Variants in ATP7A observed in about 807,000 individuals in gnomAD.
ATP7A encodes the protein copper-transporting ATPase 1.
ATP7A carries 7 observed loss-of-function variants against 83.5 expected under a neutral mutation model. That is an observed-to-expected ratio of 0.08 (90% CI 0.05 to 0.16). The LOEUF (loss-of-function observed/expected upper bound fraction) is 0.16. Among genes scored for constraint, ATP7A ranks in the 10% least tolerant of loss-of-function variants. ATP7A has a pLI of 1.00. For synonymous variants in ATP7A, 354 were observed against 395.2 expected (o/e 0.90, Z 1.24); for missense variants, 940 against 1,120.8 (o/e 0.84, Z 2.30).
intron 1 of ATP7A, among the ~76,000 whole-genome samples, chrX:77,957,336 C>G (rs782104931): frequency 9.1e-6 from 1 of 109,811 alleles, no homozygotes; most frequent in African/African-American, 3.3e-5. Context: ...CCCATTAACT[C>G]GTCATTGGAA....
rs1557231750 is a variant in ATP7A at position 77,989,308 on chromosome X, T to C, written c.686T>C (p.Ile229Thr). Residue 229 changes from isoleucine to threonine, a missense_variant, in exon 4 of 23, where the codon ATT becomes ACT. This residue lies in a region of ATP7A where 350 missense variants were observed against 432.8 expected (regional missense o/e 0.81). Transcript: ENST00000341514. ...TCAGTAGAGGAAATGAAAAAGCAGA[T>C]TGAAGCTATGGGCTTTCCAGCATTT... ...LISVEEMKKQ[I>T]EAMGFPAFVK... The C allele has an allele frequency of 5.0e-6, 6 of 1,211,349 alleles. No homozygotes were observed. Among genetic ancestry groups the C allele is most frequent in the African/African-American group, 1.7e-5 (1 of 57,749 alleles).
chrX:77,985,006 C>G (rs1258148419), intron 2 of ATP7A, among the ~76,000 whole-genome samples: 1 of 111,558 alleles, frequency 9.0e-6, no homozygotes, highest in African/African-American at 3.3e-5. Flanking sequence ...GAAAGTATAG[C>G]AAACCATCCA....
In ATP7A at chrX:78,037,980, G is replaced by GTTTTTTTT. The variant is rs782643561; in HGVS notation, c.3512-837_3512-830dup. 9.4e-4 allele frequency among the ~76,000 whole-genome samples: 48 copies of GTTTTTTTT among 51,199 alleles called. 8 individuals are homozygous for GTTTTTTTT. The highest frequency in any genetic ancestry group is 3.9e-3 in the African/African-American group (38 of 9,772). 44.5% of individuals were successfully genotyped at this position (51,199 alleles called of 115,157 possible). On this transcript the variant is annotated intron_variant, in intron 17 of 22. Transcript: ENST00000341514. The stretch of plus-strand genomic sequence containing the variant: ...AGAGAGGTGGGTGAGATCAAGAAAG[G>GTTTTTTTT]TTTTTTTTTTTTTTTTTTTTTTTTT...
chrX:77,911,909 A>C (rs1411652759), intron 1 of ATP7A, among the ~76,000 whole-genome samples: 1 of 112,053 alleles, frequency 8.9e-6, no homozygotes, highest in African/African-American at 3.2e-5. Flanking sequence ...GTGCCACTGC[A>C]CTCCAGCCTG....
intron 4 of ATP7A, among the ~76,000 whole-genome samples, chrX:77,995,818 A>G (rs1395528752): frequency 9.0e-6 from 1 of 110,619 alleles, no homozygotes; most frequent in Non-Finnish European, 1.9e-5. Context: ...ATCTTGGCTC[A>G]CTGCAACCTC....
At chrX:77,962,810 C>G (rs1382751091) in intron 1 of ATP7A, 1 of 386,420 alleles carries the variant, frequency 2.6e-6, no homozygotes, top group African/African-American at 2.6e-5. Context: ...AGCTTGCCGT[C>G]AAATGTACGG....
At chrX:78,019,084 C>T (rs963141227) in intron 12 of ATP7A, among the ~76,000 whole-genome samples, 14 of 112,000 alleles carry the variant, frequency 1.3e-4, no homozygotes, top group Non-Finnish European at 2.3e-4. Context: ...AGAGCCAAAC[C>T]GTATCAACTA....
chrX:78,046,280 T>G lies in ATP7A; in HGVS notation c.4227-14T>G, dbSNP rs1018556683. 1.7e-6 allele frequency: 2 copies of G among 1,210,267 alleles called. No homozygotes were observed. Among genetic ancestry groups the G allele is most frequent in the Non-Finnish European group, 2.2e-6 (2 of 894,351 alleles). On this transcript the variant is annotated splice_polypyrimidine_tract_variant and intron_variant, in intron 22 of 22. Coordinates refer to ENST00000341514, the MANE Select transcript of ATP7A (RefSeq NM_000052.7). ...TTGGTTATTTGAAACTAGCATACTT[T>G]TGCATATGTCCAGTTACAGGAAACC...
At chrX:78,027,835 G>A (rs1378102374) in intron 14 of ATP7A, among the ~76,000 whole-genome samples, 2 of 110,134 alleles carry the variant, frequency 1.8e-5, no homozygotes, top group Non-Finnish European at 3.8e-5. Flanking sequence ...ACAAGCAATG[G>A]GGAAAGGACA....
intron 12 of ATP7A, 137 bp downstream of exon 12, chrX:78,016,018 T>G (rs1433016479): frequency 1.4e-6 from 1 of 715,512 alleles, no homozygotes; most frequent in African/African-American, 2.1e-5. Context: ...TTAAATCAAT[T>G]TCCTCAGATT....
At chrX:77,969,017 G>T in intron 1 of ATP7A, 2 of 1,211,477 alleles carry the variant, frequency 1.7e-6, no homozygotes, top group Non-Finnish European at 2.2e-6. Context: ...GGCAGGTTCA[G>T]CTCCATGATA....
intron 21 of ATP7A, among the ~76,000 whole-genome samples, chrX:78,043,992 C>T (rs1485369916): frequency 9.4e-6 from 1 of 106,712 alleles, no homozygotes; most frequent in Non-Finnish European, 1.9e-5. Flanking sequence ...TCAAACTTGA[C>T]ACCTGTAATC....
chrX:77,955,342 A>T (rs1446420607), intron 1 of ATP7A, among the ~76,000 whole-genome samples: 1 of 111,432 alleles, frequency 9.0e-6, no homozygotes, highest in African/African-American at 3.3e-5. Flanking sequence ...AATGTATTAG[A>T]TGGTATCAAA....
chrX:77,987,444 TTGTG>T (rs3986431), intron 2 of ATP7A, among the ~76,000 whole-genome samples: 188 of 85,851 alleles, frequency 2.2e-3, no homozygotes, highest in East Asian at 4.0e-3. Flanking sequence ...AACCCAGTAT[TTGTG>T]TGTGTGTGTG....
rs371089220 is a variant in ATP7A, at chrX:78,031,456, G to A, written c.3168G>A (p.Val1056=). 3 of 1,210,885 alleles carry A rather than the reference G, an allele frequency of 2.5e-6. No individual in the cohort carries two copies. In the African/African-American group the frequency reaches 5.2e-5, roughly 21 times the overall value. Residue 1056 remains valine, a synonymous_variant, in exon 16 of 23, where the codon GTG becomes GTA. Transcript: ENST00000341514. ...TGTITHGTPV[V]NQVKVLTESN... ...CCATTACTCACGGAACCCCAGTGGT[G>A]AATCAAGTAAAGGTTCTAACTGAAA...
At chrX:77,986,482 A>C (rs782028185) in intron 2 of ATP7A, among the ~76,000 whole-genome samples, 1 of 111,536 alleles carries the variant, frequency 9.0e-6, no homozygotes, top group South Asian at 3.8e-4. Context: ...GGCCATCTCA[A>C]AAATCAATAG....
At chrX:78,009,306 A>C (rs1569549844) in intron 7 of ATP7A, 43 bp downstream of exon 7, 1 of 1,165,408 alleles carries the variant, frequency 8.6e-7, no homozygotes, top group East Asian at 3.0e-5. Flanking sequence ...TACCTATTTA[A>C]TCAGCACTCC....
intron 1 of ATP7A, among the ~76,000 whole-genome samples, chrX:77,932,129 G>A (rs1240559074): frequency 1.8e-5 from 2 of 108,893 alleles, no homozygotes; most frequent in Admixed American, 9.6e-5. Context: ...CTGGGCGGAG[G>A]GGCTCCTCAC....
At position 78,013,182 on chromosome X, in the gene ATP7A, A is replaced by G. The variant is rs1163327580; in HGVS notation, c.2406+70A>G. 7 of 917,269 alleles carry G rather than the reference A, an allele frequency of 7.6e-6. No homozygotes were observed. The African/African-American group carries it at 7.8e-5, about 10-fold the overall frequency. The allele number at this position is 917,269 out of a possible 1,213,427, so 75.6% of individuals were successfully genotyped here. A position where few individuals can be genotyped will look rare whatever the true frequency, so the allele number is the denominator to read the frequency against. On this transcript the variant is annotated intron_variant, in intron 10 of 22. Transcript: ENST00000341514. Reference sequence around the variant, plus strand: ...AATGACCTTAGTATTTTTTAGGCCAATCATTGGAAATACATGCTTTTATGT... The same window carrying G: ...AATGACCTTAGTATTTTTTAGGCCAGTCATTGGAAATACATGCTTTTATGT...
Sources: gnomAD v4.1 joint callset for allele counts (sites outside exome capture counted in the v4.1 genomes callset) on GRCh38, gnomAD v4.1.1 for gene constraint, gnomAD v4.1.1 regional missense constraint, MANE v1.5 for transcripts, NCBI Gene and HGNC (gene_info 2026-07-23, HGNC 2026-07-21) for gene names.